Variants in PNPLA7 observed in about 807,000 individuals in gnomAD.
PNPLA7 encodes patatin like domain 7, lysophospholipase.
PNPLA7 carries 153 observed loss-of-function variants against 161.7 expected under a neutral mutation model. The ratio of observed to expected loss-of-function variants is 0.95; its 90% CI spans 0.83 to 1.08. The LOEUF is 1.08. Ranked by LOEUF, PNPLA7 falls within the 50% of genes least tolerant of loss-of-function variation. The probability of loss-of-function intolerance (pLI) is 0.00; values close to 1 mark genes in which losing one functional copy is unlikely to be tolerated. For missense variants in PNPLA7, 1,739 were observed against 1,856.6 expected, an observed-to-expected ratio of 0.94 and a Z score of 1.16; for synonymous variants, 809 against 782.1, an observed-to-expected ratio of 1.03 and a Z score of -0.57.
chr9:137,525,650 G>A (rs182255330), intron 8 of PNPLA7, among the ~76,000 whole-genome samples: 17 of 151,628 alleles, frequency 1.1e-4, no homozygotes, highest in African/African-American at 3.4e-4. Flanking sequence ...GGCACAGCCA[G>A]GTGTACAGGG....
Position 137,501,288 on chromosome 9 carries a change from C to T in PNPLA7, c.1551+362G>A, listed in dbSNP as rs117010633. Among the ~76,000 whole-genome samples the T allele has an allele frequency of 4.5e-4, 68 of 152,286 alleles. No homozygotes were observed. In the Middle Eastern group the frequency reaches 0.014, roughly 30 times the overall value. On this transcript the variant is annotated intron_variant, in intron 15 of 34. Coordinates refer to ENST00000406427, the MANE Select transcript of PNPLA7 (RefSeq NM_001098537.3). ...CCTGGCCCCTCCCACACTGAGCCCC[C>T]GGCACACGCCACGCGTTTTGGTCCC... is the stretch of plus-strand genomic sequence containing the variant.
intron 20 of PNPLA7, chr9:137,492,257 G>A (rs998943230): frequency 2.2e-5 from 22 of 985,118 alleles, no homozygotes; most frequent in Non-Finnish European, 2.7e-5. Context: ...GCTGAGCACA[G>A]GAGAGAGAGC....
intron 30 of PNPLA7, 83 bp downstream of exon 30, chr9:137,462,601 AC>A: frequency 6.5e-7 from 1 of 1,531,460 alleles, no homozygotes; most frequent in South Asian, 1.2e-5. Context: ...CCCAGGAGCG[AC>A]CCCCACTCCC....
At position 137,547,323 on chromosome 9, in the gene PNPLA7, C is replaced by T. The variant is rs761461574; in HGVS notation, c.179G>A (p.Arg60Lys). ...VGVLILFMFR[R>K]LRQFRQAQPT... ...AAGATACTCACGAAATTGTCTAAGC[C>T]TTCTGAACATGAAAAGGATGAGGAC... Residue 60 changes from arginine (R) to lysine (K), a missense_variant, in exon 3 of 35, where the codon AGG becomes AAG. Coordinates refer to ENST00000406427, the MANE Select transcript of PNPLA7 (RefSeq NM_001098537.3). This position sits in a 1 kb window ranked among gnomAD's most constrained non-coding sequence, Gnocchi z 4.6. The T allele has an allele frequency of 1.2e-6, 2 of 1,613,574 alleles. No individual in the cohort carries two copies. Among genetic ancestry groups the T allele is most frequent in the Non-Finnish European group, 8.5e-7 (1 of 1,179,980 alleles).
At chr9:137,471,122 A>T (rs1474714545) in intron 25 of PNPLA7, among the ~76,000 whole-genome samples, 1 of 152,264 alleles carries the variant, frequency 6.6e-6, no homozygotes, top group Non-Finnish European at 1.5e-5. Context: ...CATATTGTAC[A>T]GGAAGAGAAA....
At chr9:137,549,360 A>G (rs936051289) in intron 1 of PNPLA7, among the ~76,000 whole-genome samples, 30 of 152,042 alleles carry the variant, frequency 2.0e-4, no homozygotes, top group South Asian at 6.2e-4. Context: ...GAGGTCAGGA[A>G]ATCGAGACCA....
chr9:137,499,649 G>A lies in PNPLA7; in HGVS notation c.1757+1042C>T, dbSNP rs1833271084. Among the ~76,000 whole-genome samples, 1 of 152,236 alleles carries A rather than the reference G, an allele frequency of 6.6e-6. No homozygotes were observed. The highest frequency in any genetic ancestry group is 1.5e-5 in the Non-Finnish European group (1 of 68,042). ...ACTCAGGCCAGGCCTGGAAGACAGAGGCCATGCAGAAAGCCCTTCCCAACT... is the reference window on the plus strand; with the variant it reads ...ACTCAGGCCAGGCCTGGAAGACAGAAGCCATGCAGAAAGCCCTTCCCAACT... On this transcript the variant is annotated intron_variant, in intron 16 of 34. Coordinates refer to ENST00000406427, the MANE Select transcript of PNPLA7 (RefSeq NM_001098537.3). The surrounding 1 kb of genome is among the most constrained non-coding windows in gnomAD (Gnocchi z 5.5).
chr9:137,505,529 C>T, intron 14 of PNPLA7, 85 bp downstream of exon 14: 1 of 1,524,138 alleles, frequency 6.6e-7, no homozygotes, highest in South Asian at 1.2e-5. Context: ...GTCCTCCACA[C>T]CTGGAACCAC....
chr9:137,508,350 G>A (rs190702294), intron 12 of PNPLA7, among the ~76,000 whole-genome samples: 4 of 152,270 alleles, frequency 2.6e-5, no homozygotes, highest in Admixed American at 2.0e-4. Flanking sequence ...GGCGGATCAC[G>A]AGGTCAGGAG....
intron 20 of PNPLA7, among the ~76,000 whole-genome samples, chr9:137,485,727 C>T (rs1261309870): frequency 6.6e-6 from 1 of 152,238 alleles, no homozygotes; most frequent in Non-Finnish European, 1.5e-5. Context: ...GTGAGGGTGT[C>T]AAGGCAGACC....
intron 25 of PNPLA7, among the ~76,000 whole-genome samples, chr9:137,470,144 C>T (rs562619916): frequency 3.9e-5 from 6 of 152,026 alleles, no homozygotes; most frequent in South Asian, 4.1e-4. Flanking sequence ...CTCCTGCCTC[C>T]GCCTCCCAAG....
chr9:137,500,652 G>C lies in PNPLA7; in HGVS notation c.1757+39C>G, dbSNP rs58682596. ...GGGGAGGGGTCTCAGGGCAGGGGGG[G>C]CTGGGGCCCGCCCTGAGGTCCTGGC... On this transcript the variant is annotated intron_variant, in intron 16 of 34. Coordinates refer to ENST00000406427, the MANE Select transcript of PNPLA7 (RefSeq NM_001098537.3). This position sits in a 1 kb window ranked among gnomAD's most constrained non-coding sequence, Gnocchi z 5.5. 1.3e-4 allele frequency: 206 copies of C among 1,591,304 alleles called. No homozygotes were observed. Among genetic ancestry groups the C allele is most frequent in the Non-Finnish European group, 1.7e-4 (196 of 1,164,534 alleles).
At chr9:137,538,455 A>G (rs1836010282) in intron 8 of PNPLA7, among the ~76,000 whole-genome samples, 1 of 152,212 alleles carries the variant, frequency 6.6e-6, no homozygotes, top group African/African-American at 2.4e-5. Flanking sequence ...GACACCACCC[A>G]GGCTCCAGTG....
At position 137,479,843 on chromosome 9, in the gene PNPLA7, G is replaced by A. The variant is rs567268292; in HGVS notation, c.2580+469C>T. The A allele has an allele frequency of 7.9e-5, 78 of 985,472 alleles. No homozygotes were observed. The South Asian group carries it at 2.9e-3, about 37-fold the overall frequency. The allele number at this position is 985,472 out of a possible 1,614,324, so 61.0% of individuals were successfully genotyped here. The stretch of plus-strand genomic sequence containing the variant: ...ACAGCCTGGGGCCAGCGTCCCGAAG[G>A]TGCCTGCAGAAGGCTGTTCCTGTTG... On this transcript the variant is annotated intron_variant, in intron 23 of 34. Coordinates refer to ENST00000406427, the MANE Select transcript of PNPLA7 (RefSeq NM_001098537.3).
rs200536730 is a variant in PNPLA7 at position 137,546,816 on chromosome 9, C to T, written c.273+14G>A. 1.1e-4 allele frequency: 179 copies of T among 1,613,424 alleles called. 1 individual carries two copies. The South Asian group carries it at 1.3e-3, about 11-fold the overall frequency. The stretch of plus-strand genomic sequence containing the variant: ...GGAAGCCGTGTGCAGCCTGGGGCCC[C>T]GAGCAACAGCTACCTTCCTCATGAT... On this transcript the variant is annotated intron_variant, in intron 4 of 34. Coordinates refer to ENST00000406427, the MANE Select transcript of PNPLA7 (RefSeq NM_001098537.3).
At chr9:137,517,237 C>A (rs1453565851) in intron 11 of PNPLA7, among the ~76,000 whole-genome samples, 69 of 112,854 alleles carry the variant, frequency 6.1e-4, no homozygotes, top group African/African-American at 2.3e-3. Flanking sequence ...CCACTCCATC[C>A]CTCACTCACT....
intron 20 of PNPLA7, among the ~76,000 whole-genome samples, chr9:137,485,715 G>A (rs759461565): frequency 1.3e-5 from 2 of 152,252 alleles, no homozygotes; most frequent in Non-Finnish European, 2.9e-5. Context: ...CCGGAGACGC[G>A]AGTGAGGGTG....
chr9:137,522,639 C>T, intron 9 of PNPLA7, 90 bp downstream of exon 9: 1 of 1,399,304 alleles, frequency 7.1e-7, no homozygotes. Flanking sequence ...AGTAAGTGGG[C>T]AATAAACCCA....
rs767125351 is a variant in PNPLA7, at chr9:137,524,179, A to ATGGAGGCACAAAATGCCTT, written c.748-1323_748-1322insAAGGCATTTTGTGCCTCCA. 1.2e-3 allele frequency among the ~76,000 whole-genome samples: 177 copies of ATGGAGGCACAAAATGCCTT among 152,324 alleles called. 1 individual carries two copies. The highest frequency in any genetic ancestry group is 1.9e-3 in the Non-Finnish European group (131 of 68,034). ...TCCCAGTGGTTGTGCCTTTGTCAAA[A>ATGGAGGCACAAAATGCCTT]TGTCACATAAATGGAGGCACAGAGT... On this transcript the variant is annotated intron_variant, in intron 8 of 34. Transcript: ENST00000406427. The surrounding 1 kb of genome is among the most constrained non-coding windows in gnomAD (Gnocchi z 4.4).
Sources: gnomAD v4.1 joint callset for allele counts (sites outside exome capture counted in the v4.1 genomes callset) on GRCh38, gnomAD v4.1.1 for gene constraint, Gnocchi (gnomAD v3.1) non-coding constraint, MANE v1.5 for transcripts, NCBI Gene and HGNC (gene_info 2026-07-23, HGNC 2026-07-21) for gene names.